SLC24A4: variants seen among roughly 807,000 people sequenced by gnomAD.
The protein encoded by SLC24A4 is sodium/potassium/calcium exchanger 4.
A neutral mutation model predicts 79.0 loss-of-function variants in SLC24A4; 53 were observed. The ratio of observed to expected loss-of-function variants is 0.67; its 90% CI spans 0.54 to 0.84. The LOEUF is 0.84. Ranked by LOEUF, SLC24A4 falls within the 40% of genes least tolerant of loss-of-function variation. The pLI is 0.00. For missense variants in SLC24A4, 731 were observed against 822.0 expected (o/e 0.89, Z 1.35); for synonymous variants, 323 against 323.8 (o/e 1.00, Z 0.03).
At chr14:92,485,258 G>A (rs1895286265) in intron 13 of SLC24A4, among the ~76,000 whole-genome samples, 1 of 152,116 alleles carries the variant, frequency 6.6e-6, no homozygotes, top group Non-Finnish European at 1.5e-5. Context: ...GAGCCCAGGA[G>A]TTCAAGACCA....
At chr14:92,383,716 C>G (rs1222915799) in intron 2 of SLC24A4, among the ~76,000 whole-genome samples, 1 of 152,194 alleles carries the variant, frequency 6.6e-6, no homozygotes, top group African/African-American at 2.4e-5. Flanking sequence ...ACCGAATGGG[C>G]TTGACCGTGA....
intron 2 of SLC24A4, among the ~76,000 whole-genome samples, chr14:92,370,879 G>A (rs115985876): frequency 0.016 from 2,362 of 152,198 alleles, 65 homozygotes; most frequent in African/African-American, 0.053. Context: ...ATCTAGAACC[G>A]GAGCGGCACC....
chr14:92,453,380 A>T (rs1893260389), intron 10 of SLC24A4: 2 of 152,470 alleles, frequency 1.3e-5, no homozygotes, highest in Non-Finnish European at 2.9e-5. Context: ...TGTCCTGCAG[A>T]CAGAGCAGGT....
At chr14:92,355,943 A>G (rs1170948674) in intron 2 of SLC24A4, among the ~76,000 whole-genome samples, 1 of 152,238 alleles carries the variant, frequency 6.6e-6, no homozygotes, top group Non-Finnish European at 1.5e-5. Context: ...CTGAACAGAC[A>G]GTTCCTGACT....
intron 11 of SLC24A4, 33 bp downstream of exon 11, chr14:92,454,102 A>G: frequency 3.1e-6 from 5 of 1,599,522 alleles, no homozygotes; most frequent in Non-Finnish European, 4.3e-6. Context: ...AAAAGTGAGC[A>G]GCCTTGGATG....
chr14:92,445,180 G>A, intron 7 of SLC24A4, 137 bp from the exon 8 acceptor site: 1 of 941,972 alleles, frequency 1.1e-6, no homozygotes, highest in Non-Finnish European at 1.7e-6. Context: ...CCGTAGGTGA[G>A]CAGCTCAGAA....
intron 2 of SLC24A4, among the ~76,000 whole-genome samples, chr14:92,429,167 T>C (rs953927083): frequency 6.6e-6 from 1 of 152,028 alleles, no homozygotes; most frequent in African/African-American, 2.4e-5. Flanking sequence ...CAGGCTCCTA[T>C]AACAAACTAT....
At chr14:92,355,850 G>T (rs4243694) in intron 2 of SLC24A4, among the ~76,000 whole-genome samples, 132,993 of 152,186 alleles carry the variant, frequency 0.87, 58,545 homozygotes, top group East Asian at 0.98. Flanking sequence ...GTTAGAGCTC[G>T]TGCTCTCCCT....
chr14:92,456,502 C>T lies in SLC24A4; in HGVS notation c.1149C>T (p.Asn383=). ...AGAACGGGAATGTTCCTGTGGAAAA[C>T]CCCGAAGACCCTCAGCAGAATCAGG... The part of the protein sequence containing the change: ...NIENGNVPVE[N]PEDPQQNQEQ... The change falls in exon 12 of 17, where the codon AAC becomes AAT. Residue 383 remains asparagine, a synonymous_variant. Transcript: ENST00000532405. The T allele has an allele frequency of 6.2e-7, 1 of 1,614,180 alleles. No homozygotes were observed. Among genetic ancestry groups the T allele is most frequent in the Non-Finnish European group, 8.5e-7 (1 of 1,180,034 alleles).
At chr14:92,443,517 C>A in intron 7 of SLC24A4, 43 bp downstream of exon 7, 1 of 1,600,348 alleles carries the variant, frequency 6.2e-7, no homozygotes, top group South Asian at 1.1e-5. Context: ...GGCTGGGACC[C>A]TGCGAAGGCA....
chr14:92,461,739 A>G (rs747221170), intron 12 of SLC24A4, among the ~76,000 whole-genome samples: 9 of 152,198 alleles, frequency 5.9e-5, no homozygotes, highest in Non-Finnish European at 1.2e-4. Context: ...AATTCAGTTC[A>G]TGGCAGGATC....
At position 92,490,849 on chromosome 14, in the gene SLC24A4, G is replaced by A. The variant is rs978758308; in HGVS notation, c.1538-816G>A. Among the ~76,000 whole-genome samples the A allele has an allele frequency of 1.3e-5, 2 of 152,254 alleles. No individual in the cohort carries two copies. Among genetic ancestry groups the A allele is most frequent in the African/African-American group, 4.8e-5 (2 of 41,468 alleles). The stretch of plus-strand genomic sequence containing the variant: ...AAACGGGGTGCCGTAAACAACGGAA[G>A]TGTATTGTCTTGTGGTTCCGGAGGC... On this transcript the variant is annotated intron_variant, in intron 14 of 16. Coordinates refer to ENST00000532405, the MANE Select transcript of SLC24A4 (RefSeq NM_153646.4). The surrounding 1 kb of genome is among the most constrained non-coding windows in gnomAD (Gnocchi z 4.3).
At chr14:92,463,995 G>A (rs895142762) in intron 12 of SLC24A4, among the ~76,000 whole-genome samples, 1 of 152,120 alleles carries the variant, frequency 6.6e-6, no homozygotes, top group Non-Finnish European at 1.5e-5. Context: ...TCCTTTTTAT[G>A]GCTGAATATT....
chr14:92,328,247 C>T (rs1423087242), intron 2 of SLC24A4, among the ~76,000 whole-genome samples: 1 of 152,222 alleles, frequency 6.6e-6, no homozygotes, highest in African/African-American at 2.4e-5. Context: ...GTGTAGCAAG[C>T]ACCTGCTCGT....
At chr14:92,478,916 A>G (rs1194252222) in intron 12 of SLC24A4, among the ~76,000 whole-genome samples, 1 of 152,048 alleles carries the variant, frequency 6.6e-6, no homozygotes, top group Admixed American at 6.5e-5. Flanking sequence ...ATTCTCTACT[A>G]CTTTTGTTGC....
chr14:92,492,993 C>G (rs970346128), intron 16 of SLC24A4: 2 of 379,996 alleles, frequency 5.3e-6, no homozygotes, highest in Non-Finnish European at 1.0e-5. Context: ...CACACACACA[C>G]ACACACACAC....
Position 92,342,107 on chromosome 14 carries a change from C to T in SLC24A4, c.241+16129C>T, listed in dbSNP as rs556489540. Among the ~76,000 whole-genome samples, 21 of 152,120 alleles carry T rather than the reference C, an allele frequency of 1.4e-4. No individual in the cohort carries two copies. In the South Asian group the frequency reaches 1.5e-3, roughly 11 times the overall value. On this transcript the variant is annotated intron_variant, in intron 2 of 16. Transcript: ENST00000532405. Reference sequence around the variant, plus strand: ...ATGTTGCTGCCTCTTCCACAGTCCCCGAGCCCCAAGCTCATCACCAATACC... The same window carrying T: ...ATGTTGCTGCCTCTTCCACAGTCCCTGAGCCCCAAGCTCATCACCAATACC...
At chr14:92,392,357 C>A (rs1013512482) in intron 2 of SLC24A4, among the ~76,000 whole-genome samples, 1 of 151,848 alleles carries the variant, frequency 6.6e-6, no homozygotes, top group African/African-American at 2.4e-5. Context: ...GTCAGTCTTA[C>A]TTGGTTTCAG....
intron 2 of SLC24A4, among the ~76,000 whole-genome samples, chr14:92,373,694 G>T (rs372739311): frequency 2.0e-5 from 3 of 152,216 alleles, no homozygotes; most frequent in African/African-American, 4.8e-5. Context: ...TTCGACGACC[G>T]CACATCAGAC....
Sources: gnomAD v4.1 joint callset for allele counts (sites outside exome capture counted in the v4.1 genomes callset) on GRCh38, gnomAD v4.1.1 for gene constraint, Gnocchi (gnomAD v3.1) non-coding constraint, MANE v1.5 for transcripts, NCBI Gene and HGNC (gene_info 2026-07-23, HGNC 2026-07-21) for gene names.